Variants in MYO7B observed in about 807,000 individuals in gnomAD.
MYO7B encodes the protein myosin VIIB.
In MYO7B, 212 loss-of-function variants were observed where a neutral mutation model predicts 259.7. The observed-to-expected ratio is 0.82, with a 90% CI of 0.73 to 0.91. MYO7B has a LOEUF of 0.91. Among genes scored for constraint, MYO7B ranks in the 40% least tolerant of loss-of-function variants. The pLI is 0.00. For missense variants in MYO7B, 2,732 were observed against 2,813.5 expected, an observed-to-expected ratio of 0.97 and a Z score of 0.66; for synonymous variants, 1,197 against 1,166.4, an observed-to-expected ratio of 1.03 and a Z score of -0.54.
rs1367300804 is a variant in MYO7B, at chr2:127,608,690, C to T, written c.2644-18C>T. 1 of 1,600,582 alleles carries T rather than the reference C, an allele frequency of 6.2e-7. No individual in the cohort carries two copies. Among genetic ancestry groups the T allele is most frequent in the African/African-American group, 1.3e-5 (1 of 74,728 alleles). ...CCCTGCTGGGCCCCTGGGTAACCTT[C>T]CTCCACGGGGTATGCAGGCGCCGCT... On this transcript the variant is annotated intron_variant, in intron 21 of 47. Transcript: ENST00000409816.
At position 127,636,865 on chromosome 2, in the gene MYO7B, G is replaced by T; in HGVS notation, c.6279G>T (p.Ala2093=). The change falls in exon 47 of 48, where the codon GCG becomes GCT. Residue 2093 remains alanine (A), a synonymous_variant. Transcript: ENST00000409816. The surrounding 1 kb of genome is among the most constrained non-coding windows in gnomAD (Gnocchi z 4.5). ...GCGGCAGCACCTACTTCCACATGGC[G>T]CTGGGGAGCCTGGGCCGTGGCAGCC... The part of the protein sequence containing the change: ...WSSGSTYFHM[A]LGSLGRGSRL... 1 of 1,613,474 alleles carries T rather than the reference G, an allele frequency of 6.2e-7. No individual in the cohort carries two copies. The highest frequency in any genetic ancestry group is 8.5e-7 in the Non-Finnish European group (1 of 1,179,846).
chr2:127,605,762 C>G, intron 19 of MYO7B, 82 bp from the exon 20 acceptor site: 1 of 1,218,446 alleles, frequency 8.2e-7, no homozygotes, highest in Non-Finnish European at 1.2e-6. Context: ...AACCCTGTTC[C>G]CTTCCAAACC....
At chr2:127,601,638 T>G (rs531055843) in intron 19 of MYO7B, among the ~76,000 whole-genome samples, 1 of 152,312 alleles carries the variant, frequency 6.6e-6, no homozygotes, top group East Asian at 1.9e-4. Flanking sequence ...TGATTACTAT[T>G]TACATGATCT....
At chr2:127,601,492 T>C (rs1007156977) in intron 19 of MYO7B, among the ~76,000 whole-genome samples, 1 of 152,198 alleles carries the variant, frequency 6.6e-6, no homozygotes, top group South Asian at 2.1e-4. Context: ...CTCTGTTGTT[T>C]GGTGAACACA....
rs1451693874 is a variant in MYO7B, at chr2:127,590,155, C to G, written c.1918C>G (p.Leu640Val). The G allele has an allele frequency of 1.2e-6, 2 of 1,611,698 alleles. No homozygotes were observed. The highest frequency in any genetic ancestry group is 1.7e-5 in the Admixed American group (1 of 59,832). ...CCAGTTCAAACAGTCTCTGGACCAG[C>G]TGATGAAAATCCTGACCAACTGCCA... ...GSQFKQSLDQ[L>V]MKILTNCQPY... Residue 640 changes from leucine to valine, a missense_variant, in exon 16 of 48, where the codon CTG becomes GTG. Around this residue, in one of 3 missense-constraint regions of MYO7B, gnomAD observed 1,906 missense variants for 2,026.4 expected, o/e 0.94. Coordinates refer to ENST00000409816, the MANE Select transcript of MYO7B (RefSeq NM_001393586.1). This position sits in a 1 kb window ranked among gnomAD's most constrained non-coding sequence, Gnocchi z 4.6.
Position 127,597,611 on chromosome 2 carries a change from A to ATAT in MYO7B, c.2339+1057_2339+1059dup, listed in dbSNP as rs1553453017. On this transcript the variant is annotated intron_variant, in intron 19 of 47. Transcript: ENST00000409816. This position sits in a 1 kb window ranked among gnomAD's most constrained non-coding sequence, Gnocchi z 4.8. ...TTCATCCAGGTTATTGCTTGCATTAATATTTATTTATTTATTTATTTATTT... is the reference window on the plus strand; with the variant it reads ...TTCATCCAGGTTATTGCTTGCATTAATATTATTTATTTATTTATTTATTTATTT... 2.1e-5 allele frequency among the ~76,000 whole-genome samples: 3 copies of ATAT among 145,792 alleles called. No individual in the cohort carries two copies. The highest frequency in any genetic ancestry group is 7.7e-5 in the African/African-American group (3 of 38,748).
In MYO7B at chr2:127,631,521, C is replaced by CCGGGGT. The variant is rs1219855163; in HGVS notation, c.5096-71_5096-66dup. 64 of 1,549,282 alleles carry CCGGGGT rather than the reference C, an allele frequency of 4.1e-5. No individual in the cohort carries two copies. In the East Asian group the frequency reaches 1.1e-3, roughly 27 times the overall value. ...AGCCCACACATGGCTCACCGCAGGG[C>CCGGGGT]CGGGGTCGGGGTCAGCGTCTATCCC... On this transcript the variant is annotated intron_variant, in intron 37 of 47. Transcript: ENST00000409816.
intron 3 of MYO7B, among the ~76,000 whole-genome samples, chr2:127,564,828 A>G (rs938988346): frequency 6.6e-6 from 1 of 152,180 alleles, no homozygotes; most frequent in African/African-American, 2.4e-5. Flanking sequence ...AATAATAACA[A>G]TATCTTCTAT....
chr2:127,595,402 A>T (rs192996389), intron 18 of MYO7B, among the ~76,000 whole-genome samples: 1 of 151,704 alleles, frequency 6.6e-6, no homozygotes, highest in Non-Finnish European at 1.5e-5. Flanking sequence ...TATTTTATTA[A>T]TTTTTTCAAA....
At position 127,584,302 on chromosome 2, in the gene MYO7B, C is replaced by T. The variant is rs1246733030; in HGVS notation, c.1524C>T (p.Ser508=). The T allele has an allele frequency of 1.2e-6, 2 of 1,613,874 alleles. No homozygotes were observed. Among genetic ancestry groups the T allele is most frequent in the Non-Finnish European group, 1.7e-6 (2 of 1,179,902 alleles). ...CCCTCAAGCCCATGAGCATCATCTC[C>T]CTCCTGGACGAAGAAAGCCGCTTCC... ...LLALKPMSII[S]LLDEESRFPQ... is the part of the protein sequence containing the mutation. Residue 508 remains serine, a synonymous_variant, in exon 13 of 48, where the codon TCC becomes TCT. Coordinates refer to ENST00000409816, the MANE Select transcript of MYO7B (RefSeq NM_001393586.1). The surrounding 1 kb of genome is among the most constrained non-coding windows in gnomAD (Gnocchi z 5.8).
intron 12 of MYO7B, 67 bp downstream of exon 12, chr2:127,582,513 G>A (rs1679143364): frequency 1.3e-6 from 2 of 1,563,772 alleles, no homozygotes; most frequent in Admixed American, 1.8e-5. Context: ...TCCTCTCGAA[G>A]GGGGCAAGTT....
At chr2:127,635,304 CA>C in intron 43 of MYO7B, 78 bp downstream of exon 43, 1 of 1,351,438 alleles carries the variant, frequency 7.4e-7, no homozygotes, top group Non-Finnish European at 1.0e-6. Context: ...TAGAAGCCAG[CA>C]GGCCAGGGCA....
chr2:127,599,512 TTA>T (rs1427241343), intron 19 of MYO7B, among the ~76,000 whole-genome samples: 1 of 152,232 alleles, frequency 6.6e-6, no homozygotes, highest in Non-Finnish European at 1.5e-5. Context: ...CGTATGTCTT[TTA>T]TTTCCTTCTC....
chr2:127,606,007 T>G (rs1053028104), intron 20 of MYO7B, 79 bp downstream of exon 20: 5 of 1,208,078 alleles, frequency 4.1e-6, no homozygotes, highest in Non-Finnish European at 6.0e-6. Flanking sequence ...GTAAAGTTTG[T>G]TTCTCTGAAT....
At chr2:127,566,869 G>C (rs1279792050) in intron 5 of MYO7B, 42 bp downstream of exon 5, 1 of 1,573,970 alleles carries the variant, frequency 6.4e-7, no homozygotes, top group Non-Finnish European at 8.6e-7. Context: ...GCATCTCCCT[G>C]AACTGCTCCC....
In MYO7B at chr2:127,636,759, G is replaced by C; in HGVS notation, c.6208-35G>C. ...TAACACACACAGAGCCCGTGCTCTG[G>C]AGGCGTCCGGCCCACCCACCCTCTC... On this transcript the variant is annotated intron_variant, in intron 46 of 47. Coordinates refer to ENST00000409816, the MANE Select transcript of MYO7B (RefSeq NM_001393586.1). The surrounding 1 kb of genome is among the most constrained non-coding windows in gnomAD (Gnocchi z 4.5). The C allele has an allele frequency of 6.2e-7, 1 of 1,612,558 alleles. No homozygotes were observed. The highest frequency in any genetic ancestry group is 2.2e-5 in the East Asian group (1 of 44,842).
At chr2:127,547,685 C>T (rs899243789) in intron 1 of MYO7B, among the ~76,000 whole-genome samples, 1 of 152,102 alleles carries the variant, frequency 6.6e-6, no homozygotes, top group African/African-American at 2.4e-5. Context: ...TCTGAGAGTC[C>T]AGCAGCAGCA....
In MYO7B at chr2:127,565,416, G is replaced by A. The variant is rs751015146; in HGVS notation, c.285+31G>A. ...TCTCCCCAGCCCTGTGTCCACAGGG[G>A]AGCCCCTCACAGGTGCCAACCTCCT... On this transcript the variant is annotated intron_variant, in intron 4 of 47. Transcript: ENST00000409816. 16 of 1,609,862 alleles carry A rather than the reference G, an allele frequency of 9.9e-6. No homozygotes were observed. The South Asian group carries it at 1.8e-4, about 18-fold the overall frequency.
chr2:127,590,147 T>C lies in MYO7B; in HGVS notation c.1910T>C (p.Leu637Pro). 1 of 1,610,452 alleles carries C rather than the reference T, an allele frequency of 6.2e-7. No individual in the cohort carries two copies. Among genetic ancestry groups the C allele is most frequent in the Non-Finnish European group, 8.5e-7 (1 of 1,178,872 alleles). Residue 637 changes from leucine (L) to proline (P), a missense_variant, in exon 16 of 48, where the codon CTG becomes CCG. Leu to Pro is a moderately conservative substitution (Grantham distance 98). Transcript: ENST00000409816. The surrounding 1 kb of genome is among the most constrained non-coding windows in gnomAD (Gnocchi z 4.6). ...TTAGGAAGCCAGTTCAAACAGTCTC[T>C]GGACCAGCTGATGAAAATCCTGACC... The part of the protein sequence containing the change: ...STLGSQFKQS[L>P]DQLMKILTNC...
Sources: gnomAD v4.1 joint callset for allele counts (sites outside exome capture counted in the v4.1 genomes callset) on GRCh38, gnomAD v4.1.1 for gene constraint, gnomAD v4.1.1 regional missense constraint, Gnocchi (gnomAD v3.1) non-coding constraint, MANE v1.5 for transcripts, NCBI Gene and HGNC (gene_info 2026-07-23, HGNC 2026-07-21) for gene names.